NAALADL2: variants seen among roughly 807,000 people sequenced by gnomAD.
NAALADL2 encodes the protein inactive N-acetylated-alpha-linked acidic dipeptidase-like protein 2.
In NAALADL2, 76 loss-of-function variants were observed where a neutral mutation model predicts 87.2. The ratio of observed to expected loss-of-function variants is 0.87; its 90% CI spans 0.72 to 1.05. NAALADL2 has a LOEUF of 1.05. Ranked by LOEUF, NAALADL2 falls within the 50% of genes least tolerant of loss-of-function variation. The pLI, the probability that NAALADL2 is intolerant of heterozygous loss-of-function variation, is 0.00. For missense variants in NAALADL2, 1,089 were observed against 945.8 expected (o/e 1.15, Z -1.99); for synonymous variants, 354 against 331.0 (o/e 1.07, Z -0.75).
chr3:175,387,070 AT>A lies in NAALADL2; in HGVS notation c.1091-60150del, dbSNP rs766642900. Among the ~76,000 whole-genome samples the A allele has an allele frequency of 1.9e-4, 29 of 151,740 alleles. No individual in the cohort carries two copies. The East Asian group carries it at 3.9e-3, about 20-fold the overall frequency. Reference sequence around the variant, plus strand: ...ATCTGTCAAACTGTGAAGTGGGAAAATTTTTTTTTACTACTTTTGCTTTGTA... The same window carrying A: ...ATCTGTCAAACTGTGAAGTGGGAAAATTTTTTTTACTACTTTTGCTTTGTA... On this transcript the variant is annotated intron_variant, in intron 5 of 13. Coordinates refer to ENST00000454872, the MANE Select transcript of NAALADL2 (RefSeq NM_207015.3).
intron 11 of NAALADL2, among the ~76,000 whole-genome samples, chr3:175,645,886 C>T (rs1729941787): frequency 6.6e-6 from 1 of 152,066 alleles, no homozygotes. Flanking sequence ...ATGACTGACT[C>T]TATTGATTTT....
intron 13 of NAALADL2, among the ~76,000 whole-genome samples, chr3:175,757,363 T>A (rs765886187): frequency 2.0e-4 from 31 of 152,122 alleles, no homozygotes; most frequent in Non-Finnish European, 3.1e-4. Context: ...AGCACCTGAA[T>A]ATTTGGACCA....
chr3:175,310,969 A>T (rs989315546), intron 4 of NAALADL2, among the ~76,000 whole-genome samples: 2 of 151,354 alleles, frequency 1.3e-5, no homozygotes, highest in African/African-American at 4.9e-5. Flanking sequence ...AATATTAACA[A>T]TATATTTACT....
chr3:175,401,906 G>A (rs1337586144), intron 5 of NAALADL2, among the ~76,000 whole-genome samples: 1 of 152,054 alleles, frequency 6.6e-6, no homozygotes, highest in Non-Finnish European at 1.5e-5. Flanking sequence ...TATTTAAGGA[G>A]CATTATTTGA....
intron 2 of NAALADL2, among the ~76,000 whole-genome samples, chr3:174,675,893 T>C (rs1452710023): frequency 6.6e-6 from 1 of 152,022 alleles, no homozygotes; most frequent in East Asian, 1.9e-4. Flanking sequence ...TCCTAGAAAA[T>C]GAAGAAATTG....
intron 1 of NAALADL2, among the ~76,000 whole-genome samples, chr3:174,930,812 C>T (rs1736778456): frequency 6.6e-6 from 1 of 151,296 alleles, no homozygotes; most frequent in African/African-American, 2.4e-5. Flanking sequence ...TTATTAGAGA[C>T]GGGGTTTCAT....
chr3:174,643,388 T>G (rs1723452175), intron 2 of NAALADL2, among the ~76,000 whole-genome samples: 1 of 152,196 alleles, frequency 6.6e-6, no homozygotes, highest in Non-Finnish European at 1.5e-5. Flanking sequence ...GTGCAGTGGC[T>G]CATGCTTGTA....
At chr3:175,663,353 G>A (rs1413487734) in intron 11 of NAALADL2, among the ~76,000 whole-genome samples, 1 of 151,606 alleles carries the variant, frequency 6.6e-6, no homozygotes, top group Non-Finnish European at 1.5e-5. Context: ...CAATTTGTTT[G>A]TAATAGTCTC....
At chr3:175,408,466 A>T (rs1350510332) in intron 5 of NAALADL2, among the ~76,000 whole-genome samples, 3 of 152,078 alleles carry the variant, frequency 2.0e-5, no homozygotes, top group Admixed American at 1.3e-4. Flanking sequence ...AATATTTAAT[A>T]TCTCATAACC....
chr3:175,339,416 A>T (rs1380231635), intron 5 of NAALADL2, among the ~76,000 whole-genome samples: 1 of 152,180 alleles, frequency 6.6e-6, no homozygotes, highest in African/African-American at 2.4e-5. Context: ...CTATCACTGG[A>T]AGGGATCTTA....
At chr3:175,653,110 T>C (rs1408380138) in intron 11 of NAALADL2, among the ~76,000 whole-genome samples, 1 of 152,214 alleles carries the variant, frequency 6.6e-6, no homozygotes, top group South Asian at 2.1e-4. Context: ...AAGTCACATC[T>C]GTGTCATCTC....
At chr3:175,452,698 G>A (rs1275384016) in intron 6 of NAALADL2, among the ~76,000 whole-genome samples, 1 of 152,174 alleles carries the variant, frequency 6.6e-6, no homozygotes, top group Non-Finnish European at 1.5e-5. Flanking sequence ...CTAGGAGTCT[G>A]AGGTAGGAGC....
At chr3:174,634,092 C>T (rs58948991) in intron 2 of NAALADL2, among the ~76,000 whole-genome samples, 4,111 of 152,176 alleles carry the variant, frequency 0.027, 124 homozygotes, top group African/African-American at 0.07. Context: ...TTATTACTTA[C>T]GGATGAGTTA....
At chr3:175,125,818 C>T (rs1246092294) in intron 2 of NAALADL2, among the ~76,000 whole-genome samples, 1 of 151,866 alleles carries the variant, frequency 6.6e-6, no homozygotes, top group Non-Finnish European at 1.5e-5. Flanking sequence ...ATATTAGTGT[C>T]GTTTAAAGTT....
chr3:174,685,459 C>T (rs939213548), intron 2 of NAALADL2, among the ~76,000 whole-genome samples: 52 of 152,160 alleles, frequency 3.4e-4, no homozygotes, highest in Admixed American at 1.1e-3. Flanking sequence ...AACTTCTCTT[C>T]CATTTTCTGA....
intron 5 of NAALADL2, among the ~76,000 whole-genome samples, chr3:175,354,920 A>G (rs1222505384): frequency 6.7e-6 from 1 of 150,096 alleles, no homozygotes; most frequent in East Asian, 1.9e-4. Flanking sequence ...ACACATATAT[A>G]TGTGTGTATA....
At chr3:175,011,399 T>G (rs1560472582) in intron 1 of NAALADL2, among the ~76,000 whole-genome samples, 1 of 152,182 alleles carries the variant, frequency 6.6e-6, no homozygotes, top group Non-Finnish European at 1.5e-5. Context: ...TGTTGGTCAC[T>G]GGACCACTTT....
chr3:175,425,815 A>G (rs527305828), intron 5 of NAALADL2, among the ~76,000 whole-genome samples: 2 of 152,306 alleles, frequency 1.3e-5, no homozygotes, highest in East Asian at 3.9e-4. Context: ...ATGTGGAGAT[A>G]CTCAAAGTAC....
chr3:174,675,259 A>C (rs2108811992), intron 2 of NAALADL2, among the ~76,000 whole-genome samples: 1 of 152,158 alleles, frequency 6.6e-6, no homozygotes, highest in African/African-American at 2.4e-5. Flanking sequence ...CCTAGTTTTG[A>C]AATGTGACTA....
Sources: gnomAD v4.1 joint callset for allele counts (sites outside exome capture counted in the v4.1 genomes callset) on GRCh38, gnomAD v4.1.1 for gene constraint, MANE v1.5 for transcripts, NCBI Gene and HGNC (gene_info 2026-07-23, HGNC 2026-07-21) for gene names.